Variants in PGM5 observed in about 807,000 individuals in gnomAD.
PGM5 encodes the protein phosphoglucomutase 5, also known as phosphoglucomutase-like protein 5.
In PGM5, 23 loss-of-function variants were observed where a neutral mutation model predicts 59.2. The ratio of observed to expected loss-of-function variants is 0.39; its 90% CI spans 0.28 to 0.55. PGM5 has a LOEUF of 0.55. PGM5 is among the 20% of genes least tolerant of loss of function. The pLI, the probability that PGM5 is intolerant of heterozygous loss-of-function variation, is 0.66. For synonymous variants in PGM5, 214 were observed against 286.0 expected (o/e 0.75, Z 2.54); for missense variants, 574 against 748.3 (o/e 0.77, Z 2.72).
chr9:68,407,201 G>C (rs1457081036), intron 6 of PGM5, among the ~76,000 whole-genome samples: 1 of 152,144 alleles, frequency 6.6e-6, no homozygotes, highest in Non-Finnish European at 1.5e-5. Flanking sequence ...CACAATCACA[G>C]CTCACTACAA....
chr9:68,479,637 T>C, intron 8 of PGM5, 84 bp downstream of exon 8: 1 of 1,432,024 alleles, frequency 7.0e-7, no homozygotes, highest in Non-Finnish European at 9.5e-7. Flanking sequence ...GCTAGAACCT[T>C]AAAAAGGAGG....
intron 2 of PGM5, among the ~76,000 whole-genome samples, chr9:68,378,920 A>G (rs1487748682): frequency 6.6e-6 from 1 of 152,194 alleles, no homozygotes; most frequent in East Asian, 1.9e-4. Context: ...TTAAAATTGA[A>G]CACACAAAAA....
chr9:68,449,253 G>A (rs1298794803), intron 6 of PGM5, among the ~76,000 whole-genome samples: 2 of 152,158 alleles, frequency 1.3e-5, no homozygotes, highest in Admixed American at 1.3e-4. Flanking sequence ...AATTTGGAGT[G>A]GACACAGACC....
chr9:68,438,130 A>G (rs1299977347), intron 6 of PGM5, among the ~76,000 whole-genome samples: 1 of 151,748 alleles, frequency 6.6e-6, no homozygotes, highest in Admixed American at 6.6e-5. Flanking sequence ...TCTACTAAAA[A>G]CACAAAAAAT....
chr9:68,507,304 A>G (rs1160705279), intron 10 of PGM5, among the ~76,000 whole-genome samples: 2 of 152,192 alleles, frequency 1.3e-5, no homozygotes, highest in African/African-American at 4.8e-5. Context: ...TTTAAGGAAT[A>G]ATGTGAGGCG....
At chr9:68,410,468 T>C (rs1201032129) in intron 6 of PGM5, among the ~76,000 whole-genome samples, 2 of 152,108 alleles carry the variant, frequency 1.3e-5, no homozygotes, top group Non-Finnish European at 2.9e-5. Flanking sequence ...TAATATTTGA[T>C]CGTTAATTTT....
intron 10 of PGM5, among the ~76,000 whole-genome samples, chr9:68,514,156 G>T (rs1824791086): frequency 3.3e-5 from 5 of 152,174 alleles, no homozygotes; most frequent in Admixed American, 2.6e-4. Flanking sequence ...GGTGATTCAT[G>T]TGCACATTAA....
intron 6 of PGM5, among the ~76,000 whole-genome samples, chr9:68,394,619 T>A (rs1273908055): frequency 7.3e-5 from 11 of 151,094 alleles, no homozygotes; most frequent in Admixed American, 3.3e-4. Context: ...GACATAAAAA[T>A]TATTTATTTG....
intron 3 of PGM5, among the ~76,000 whole-genome samples, chr9:68,387,005 G>A (rs1449187876): frequency 1.3e-5 from 2 of 151,800 alleles, no homozygotes; most frequent in Non-Finnish European, 2.9e-5. Flanking sequence ...TTGGAAAATA[G>A]GGGTCACTAC....
chr9:68,461,006 A>G (rs942875573), intron 6 of PGM5, among the ~76,000 whole-genome samples: 4 of 152,184 alleles, frequency 2.6e-5, no homozygotes, highest in Non-Finnish European at 5.9e-5. Flanking sequence ...TGAGGAAAGG[A>G]CTATACTCAT....
intron 10 of PGM5, among the ~76,000 whole-genome samples, chr9:68,506,526 G>T (rs1365676447): frequency 2.0e-5 from 3 of 152,126 alleles, no homozygotes; most frequent in African/African-American, 7.2e-5. Context: ...AAAGTGAATA[G>T]CGTCTTAAAA....
chr9:68,453,787 G>C (rs1174924381), intron 6 of PGM5, among the ~76,000 whole-genome samples: 1 of 152,194 alleles, frequency 6.6e-6, no homozygotes, highest in Non-Finnish European at 1.5e-5. Context: ...GTGTCTTTAA[G>C]CACTTACCTT....
rs1376510461 is a variant in PGM5 at position 68,356,729 on chromosome 9, C to T, written c.-399C>T. Among the ~76,000 whole-genome samples, 18 of 152,174 alleles carry T rather than the reference C, an allele frequency of 1.2e-4. No homozygotes were observed. Among genetic ancestry groups the T allele is most frequent in the Admixed American group, 5.9e-4 (9 of 15,278 alleles). On this transcript the variant is annotated 5_prime_UTR_variant, in exon 1 of 11. Transcript: ENST00000396396. ...AGGGTGTGCCCCGGAGGGCGGCGAT[C>T]GCGGGTGAAGGCTGGGGCCAGGCGC...
At chr9:68,479,922 CAAA>C (rs60645209) in intron 8 of PGM5, among the ~76,000 whole-genome samples, 5 of 53,796 alleles carry the variant, frequency 9.3e-5, no homozygotes, top group Non-Finnish European at 4.3e-5. Flanking sequence ...GACTCCGTCT[CAAA>C]AAAAAAAAAA....
intron 6 of PGM5, among the ~76,000 whole-genome samples, chr9:68,438,218 G>C (rs559967198): frequency 6.7e-6 from 1 of 149,676 alleles, no homozygotes; most frequent in Non-Finnish European, 1.5e-5. Context: ...GAACCCAGGA[G>C]GCAGAGGTTG....
Position 68,435,519 on chromosome 9 carries a change from A to G in PGM5, c.1044-29574A>G, listed in dbSNP as rs151262526. Among the ~76,000 whole-genome samples the G allele has an allele frequency of 9.9e-4, 150 of 152,284 alleles. 1 individual carries two copies. The East Asian group carries it at 0.025, about 25-fold the overall frequency. On this transcript the variant is annotated intron_variant, in intron 6 of 10. Transcript: ENST00000396396. ...TTTCATATGAATAAAATCATATACTATGAGGTCTTTTGTATCTGGTTTCTT... is the reference window on the plus strand; with the variant it reads ...TTTCATATGAATAAAATCATATACTGTGAGGTCTTTTGTATCTGGTTTCTT...
chr9:68,484,541 A>AACACACACACACACAC (rs72293391), intron 9 of PGM5, among the ~76,000 whole-genome samples: 24 of 132,330 alleles, frequency 1.8e-4, no homozygotes, highest in African/African-American at 4.2e-4. Flanking sequence ...CCATGTCTCA[A>AACACACACACACACAC]ACACACACAC....
Position 68,465,176 on chromosome 9 carries a change from G to T in PGM5, c.1127G>T (p.Cys376Phe). Residue 376 changes from cysteine to phenylalanine, a missense_variant, in exon 7 of 11, where the codon TGC becomes TTC. By Grantham distance (205) the Cys-to-Phe change is radical (BLOSUM62 -2). Around this residue, in one of 7 missense-constraint regions of PGM5, gnomAD observed 300 missense variants for 280.0 expected, o/e 1.07. Coordinates refer to ENST00000396396, the MANE Select transcript of PGM5 (RefSeq NM_021965.4). ...FFSNLMDSGR[C>F]NLCGEESFGT... is the part of the protein sequence containing the mutation. ...TCAAATCTGATGGACTCAGGACGTT[G>T]CAATCTGTGTGGGGAAGAGAGCTTT... The T allele has an allele frequency of 6.2e-7, 1 of 1,613,048 alleles. No individual in the cohort carries two copies. The highest frequency in any genetic ancestry group is 8.5e-7 in the Non-Finnish European group (1 of 1,179,114).
intron 6 of PGM5, among the ~76,000 whole-genome samples, chr9:68,439,588 C>G (rs1421588811): frequency 6.8e-6 from 1 of 147,928 alleles, no homozygotes; most frequent in East Asian, 2.0e-4. Context: ...TTACCCACAA[C>G]AGCTCAGAGT....
Sources: allele counts gnomAD v4.1 joint callset (sites outside exome capture counted in the v4.1 genomes callset), GRCh38; gene constraint gnomAD v4.1.1; regional missense constraint gnomAD v4.1.1; transcripts MANE v1.5; gene names NCBI Gene and HGNC (gene_info 2026-07-23, HGNC 2026-07-21).